CYP8B1: variants seen among roughly 807,000 people sequenced by gnomAD.
CYP8B1 encodes the protein cytochrome P450 family 8 subfamily B member 1.
For synonymous variants in CYP8B1, 221 were observed against 251.2 expected (o/e 0.88, Z 1.14); for missense variants, 594 against 643.7 (o/e 0.92, Z 0.84).
At position 42,874,394 on chromosome 3, in the gene CYP8B1, CAT is replaced by C. The variant is rs2088497588; in HGVS notation, c.1421_1422del (p.His474ArgfsTer2). The C allele has an allele frequency of 6.2e-7, 1 of 1,614,002 alleles. No homozygotes were observed. The highest frequency in any genetic ancestry group is 8.5e-7 in the Non-Finnish European group (1 of 1,180,018). ...CCAAAACCCCAGCGCTGCGGGTCAA[CAT>C]GGGGTAGTGGTGTGTCAGGGTCCAC... ...ELVDPDTPLP[H>X]VDPQRWGFGT... is the part of the protein sequence containing the mutation. On this transcript the variant is annotated frameshift_variant, in exon 1 of 1. Coordinates refer to ENST00000316161, the MANE Select transcript of CYP8B1 (RefSeq NM_004391.3). LOFTEE classifies it high-confidence loss of function.
chr3:42,874,955 C>G lies in CYP8B1; in HGVS notation c.862G>C (p.Gly288Arg), dbSNP rs747957683. The G allele has an allele frequency of 1.3e-5, 21 of 1,613,030 alleles. No individual in the cohort carries two copies. The East Asian group carries it at 4.0e-4, about 31-fold the overall frequency. Residue 288 changes from glycine to arginine, a missense_variant, in exon 1 of 1, where the codon GGG becomes CGG. Coordinates refer to ENST00000316161, the MANE Select transcript of CYP8B1 (RefSeq NM_004391.3). ...MMLWASQGNTGPTSFWALLYL... is the reference protein window; with the variant it reads ...MMLWASQGNTRPTSFWALLYL... ...AAGAGGGCCCAGAAAGAGGTAGGCCCCGTGTTCCCCTGGGAGGCCCAGAGC... is the reference window on the plus strand; with the variant it reads ...AAGAGGGCCCAGAAAGAGGTAGGCCGCGTGTTCCCCTGGGAGGCCCAGAGC...
At position 42,874,060 on chromosome 3, in the gene CYP8B1, C is replaced by A. The variant is rs991052018; in HGVS notation, c.*251G>T. 16 of 515,728 alleles carry A rather than the reference C, an allele frequency of 3.1e-5. No homozygotes were observed. The highest frequency in any genetic ancestry group is 6.5e-5 in the East Asian group (2 of 30,558). 31.9% of individuals were successfully genotyped at this position (515,728 alleles called of 1,614,324 possible). ...AACCAAGTTGCCCACAGATACTCCC[C>A]CTTCCTCTGGACTTCCTGTGAGAGG... On this transcript the variant is annotated 3_prime_UTR_variant, in exon 1 of 1. Coordinates refer to ENST00000316161, the MANE Select transcript of CYP8B1 (RefSeq NM_004391.3).
chr3:42,875,847 A>G lies in CYP8B1; in HGVS notation c.-31T>C. On this transcript the variant is annotated 5_prime_UTR_variant, in exon 1 of 1. Transcript: ENST00000316161. ...TGCTCCTGCGGATTAAGCTCTCGACACGCACACTGTTCCCTGGGTGCCAGA... is the reference window on the plus strand; with the variant it reads ...TGCTCCTGCGGATTAAGCTCTCGACGCGCACACTGTTCCCTGGGTGCCAGA... 1 of 1,334,176 alleles carries G rather than the reference A, an allele frequency of 7.5e-7. No homozygotes were observed. The highest frequency in any genetic ancestry group is 9.7e-7 in the Non-Finnish European group (1 of 1,035,110). 82.6% of individuals were successfully genotyped at this position (1,334,176 alleles called of 1,614,324 possible). A position where few individuals can be genotyped will look rare whatever the true frequency, so the allele number is the denominator to read the frequency against.
rs115361347 is a variant in CYP8B1, at chr3:42,872,841, G to C, written c.*1470C>G. 1 of 152,750 alleles carries C rather than the reference G, an allele frequency of 6.5e-6. No individual in the cohort carries two copies. The highest frequency in any genetic ancestry group is 1.5e-5 in the Non-Finnish European group (1 of 68,516). 9.5% of individuals were successfully genotyped at this position (152,750 alleles called of 1,614,324 possible). On this transcript the variant is annotated 3_prime_UTR_variant, in exon 1 of 1. Coordinates refer to ENST00000316161, the MANE Select transcript of CYP8B1 (RefSeq NM_004391.3). ...GTGTCTCTGGGAGATGGGGTGAATG[G>C]TAGTGTTCTGAGCAGAGAGAGCAGG...
In CYP8B1 at chr3:42,872,217, C is replaced by A. The variant is rs1575397658; in HGVS notation, c.*2094G>T. The A allele has an allele frequency of 6.6e-6, 1 of 152,316 alleles. No homozygotes were observed. Among genetic ancestry groups the A allele is most frequent in the Middle Eastern group, 3.4e-3 (1 of 294 alleles). The allele number at this position is 152,316 out of a possible 1,614,324, so 9.4% of individuals were successfully genotyped here. On this transcript the variant is annotated 3_prime_UTR_variant, in exon 1 of 1. Coordinates refer to ENST00000316161, the MANE Select transcript of CYP8B1 (RefSeq NM_004391.3). ...TCAGGTTTCTAACATTTAATCTCCA[C>A]TTAGGGAATTGGAGGTCAGAAATGA... is the stretch of plus-strand genomic sequence containing the variant.
chr3:42,875,140 C>T lies in CYP8B1; in HGVS notation c.677G>A (p.Trp226Ter). The change falls in exon 1 of 1, where the codon TGG (tryptophan) becomes TAG (stop). Residue 226 changes from tryptophan (W) to a stop codon, truncating the protein, a stop_gained. Transcript: ENST00000316161. LOFTEE classifies it low-confidence loss of function (END_TRUNC). ...FVYSLLWPREWLEVGRLQRLF... is the reference protein window; with the variant it reads ...FVYSLLWPRE The stretch of plus-strand genomic sequence containing the variant: ...ACGCTGGAGTCGGCCCACTTCTAGC[C>T]ACTCCCGGGGCCACAGCAGGGAGTA... The T allele has an allele frequency of 6.2e-7, 1 of 1,613,114 alleles. No homozygotes were observed. The highest frequency in any genetic ancestry group is 8.5e-7 in the Non-Finnish European group (1 of 1,179,562).
At position 42,874,743 on chromosome 3, in the gene CYP8B1, C is replaced by A; in HGVS notation, c.1074G>T (p.Arg358Ser). Reference sequence around the variant, plus strand: ...TCAGGGTATAGTCTTCATGAACCAACCTGAGGAGGGTGGGTGCAGCCCTCA... The same window carrying A: ...TCAGGGTATAGTCTTCATGAACCAAACTGAGGAGGGTGGGTGCAGCCCTCA... ...LRLRAAPTLL[R>S]LVHEDYTLKM... is the part of the protein sequence containing the mutation. Residue 358 changes from arginine (R) to serine (S), a missense_variant, in exon 1 of 1, where the codon AGG becomes AGT. Coordinates refer to ENST00000316161, the MANE Select transcript of CYP8B1 (RefSeq NM_004391.3). 1 of 1,614,102 alleles carries A rather than the reference C, an allele frequency of 6.2e-7. No individual in the cohort carries two copies. The highest frequency in any genetic ancestry group is 8.5e-7 in the Non-Finnish European group (1 of 1,180,008).
chr3:42,874,851 C>A lies in CYP8B1; in HGVS notation c.966G>T (p.Glu322Asp). The change falls in exon 1 of 1, where the codon GAG becomes GAT. Residue 322 changes from glutamate (E) to aspartate (D), a missense_variant. Glu to Asp is a conservative substitution (Grantham distance 45). Transcript: ENST00000316161. ...GTTTGAAGGCAAAGGACTGCTTGGT[C>A]TCCAGCCTGGCCTCACCCAGGACCT... is the stretch of plus-strand genomic sequence containing the variant. Reference protein sequence around the residue: ...ATQVLGEARLETKQSFAFKLG... With the variant: ...ATQVLGEARLDTKQSFAFKLG... 5.0e-6 allele frequency: 8 copies of A among 1,604,382 alleles called. No homozygotes were observed. The highest frequency in any genetic ancestry group is 6.8e-6 in the Non-Finnish European group (8 of 1,174,118).
At position 42,875,158 on chromosome 3, in the gene CYP8B1, A is replaced by G. The variant is rs556843118; in HGVS notation, c.659T>C (p.Leu220Pro). 18 of 1,610,984 alleles carry G rather than the reference A, an allele frequency of 1.1e-5. No homozygotes were observed. In the East Asian group the frequency reaches 3.3e-4, roughly 30 times the overall value. The stretch of plus-strand genomic sequence containing the variant: ...TTCTAGCCACTCCCGGGGCCACAGC[A>G]GGGAGTAGACAAACCTTGGGAAAAG... ...DLLFPRFVYSLLWPREWLEVG... is the reference protein window; with the variant it reads ...DLLFPRFVYSPLWPREWLEVG... The change falls in exon 1 of 1, where the codon CTG becomes CCG. Residue 220 changes from leucine (L) to proline (P), a missense_variant. Coordinates refer to ENST00000316161, the MANE Select transcript of CYP8B1 (RefSeq NM_004391.3).
At position 42,875,520 on chromosome 3, in the gene CYP8B1, A is replaced by C; in HGVS notation, c.297T>G (p.Phe99Leu). ...ILKDTQRKLD[F>L]GQYAKKLVLK... ...GCACCAGTTTTTTTGCATATTGCCCAAAGTCTAGTTTTCTCTGTGTGTCCT... is the reference window on the plus strand; with the variant it reads ...GCACCAGTTTTTTTGCATATTGCCCCAAGTCTAGTTTTCTCTGTGTGTCCT... Residue 99 changes from phenylalanine (F) to leucine (L), a missense_variant, in exon 1 of 1, where the codon TTT (phenylalanine) becomes TTG (leucine). Physicochemically the swap from Phe to Leu is conservative, Grantham distance 22. Coordinates refer to ENST00000316161, the MANE Select transcript of CYP8B1 (RefSeq NM_004391.3). The C allele has an allele frequency of 6.5e-7, 1 of 1,541,594 alleles. No homozygotes were observed. The highest frequency in any genetic ancestry group is 8.8e-7 in the Non-Finnish European group (1 of 1,142,450).
chr3:42,874,758 T>G lies in CYP8B1; in HGVS notation c.1059A>C (p.Ala353=). The change falls in exon 1 of 1, where the codon GCA becomes GCC. Residue 353 remains alanine, a synonymous_variant. Coordinates refer to ENST00000316161, the MANE Select transcript of CYP8B1 (RefSeq NM_004391.3). ...CATGAACCAACCTGAGGAGGGTGGG[T>G]GCAGCCCTCAGCCGCAGCGTCTCCT... ...VVEETLRLRA[A]PTLLRLVHED... is the part of the protein sequence containing the mutation. The G allele has an allele frequency of 6.2e-7, 1 of 1,614,058 alleles. No homozygotes were observed. Among genetic ancestry groups the G allele is most frequent in the Non-Finnish European group, 8.5e-7 (1 of 1,180,008 alleles).
At position 42,875,419 on chromosome 3, in the gene CYP8B1, C is replaced by G. The variant is rs373101301; in HGVS notation, c.398G>C (p.Gly133Ala). ...IHSASTKHLR[G>A]DGLKDLNETM... ...CTCATTAAGATCCTTCAAGCCATCCCCCCTCAGATGCTTGGTGCTGGCTGA... is the reference window on the plus strand; with the variant it reads ...CTCATTAAGATCCTTCAAGCCATCCGCCCTCAGATGCTTGGTGCTGGCTGA... Residue 133 changes from glycine to alanine, a missense_variant, in exon 1 of 1, where the codon GGG (glycine) becomes GCG (alanine). Physicochemically the swap from Gly to Ala is moderately conservative, Grantham distance 60. Transcript: ENST00000316161. 5.0e-6 allele frequency: 8 copies of G among 1,613,528 alleles called. No individual in the cohort carries two copies. The highest frequency in any genetic ancestry group is 6.8e-6 in the Non-Finnish European group (8 of 1,179,568).
chr3:42,875,830 C>T lies in CYP8B1; in HGVS notation c.-14G>A, dbSNP rs375516036. ...CCAGAGAACCATGGCTATGCTCCTG[C>T]GGATTAAGCTCTCGACACGCACACT... On this transcript the variant is annotated 5_prime_UTR_variant, in exon 1 of 1. Transcript: ENST00000316161. The T allele has an allele frequency of 3.0e-4, 409 of 1,347,856 alleles. No individual in the cohort carries two copies. The African/African-American group carries it at 5.5e-3, about 18-fold the overall frequency. 83.5% of individuals were successfully genotyped at this position (1,347,856 alleles called of 1,614,324 possible). A position where few individuals can be genotyped will look rare whatever the true frequency, so the allele number is the denominator to read the frequency against.
rs1176077810 is a variant in CYP8B1, at chr3:42,874,913, G to A, written c.904C>T (p.Pro302Ser). Residue 302 changes from proline to serine, a missense_variant, in exon 1 of 1, where the codon CCA (proline) becomes TCA (serine). Pro to Ser is a moderately conservative substitution (Grantham distance 74). Coordinates refer to ENST00000316161, the MANE Select transcript of CYP8B1 (RefSeq NM_004391.3). Reference sequence around the variant, plus strand: ...TCCCTCACAGCCCGAATAGCTTCTGGGTGCTTCAGGAGGTACAAGAGGGCC... The same window carrying A: ...TCCCTCACAGCCCGAATAGCTTCTGAGTGCTTCAGGAGGTACAAGAGGGCC... ...FWALLYLLKHPEAIRAVREEA... is the reference protein window; with the variant it reads ...FWALLYLLKHSEAIRAVREEA... 9.4e-6 allele frequency: 15 copies of A among 1,603,594 alleles called. No homozygotes were observed. The highest frequency in any genetic ancestry group is 1.3e-5 in the Non-Finnish European group (15 of 1,173,700).
chr3:42,874,350 G>A lies in CYP8B1; in HGVS notation c.1467C>T (p.His489=), dbSNP rs201949466. Residue 489 remains histidine (H), a synonymous_variant, in exon 1 of 1, where the codon CAC becomes CAT. Transcript: ENST00000316161. ...RWGFGTMQPS[H]DVRFRYRLHP... ...GCAGGCGGTAGCGGAAGCGCACATC[G>A]TGGCTGGGCTGCATGGTGCCAAAAC... is the stretch of plus-strand genomic sequence containing the variant. 1.1e-4 allele frequency: 173 copies of A among 1,614,114 alleles called. 1 individual carries two copies. The East Asian group carries it at 3.7e-3, about 35-fold the overall frequency.
At position 42,873,334 on chromosome 3, in the gene CYP8B1, G is replaced by A. The variant is rs954889673; in HGVS notation, c.*977C>T. 2 of 146,746 alleles carry A rather than the reference G, an allele frequency of 1.4e-5. No homozygotes were observed. Among genetic ancestry groups the A allele is most frequent in the Non-Finnish European group, 3.0e-5 (2 of 67,090 alleles). 9.1% of individuals were successfully genotyped at this position (146,746 alleles called of 1,614,324 possible). ...ACTGCACTGCAGCCTGGGCAACAGA[G>A]TGAGACTCTGTCTCAAAAAAAAAAA... is the stretch of plus-strand genomic sequence containing the variant. On this transcript the variant is annotated 3_prime_UTR_variant, in exon 1 of 1. Coordinates refer to ENST00000316161, the MANE Select transcript of CYP8B1 (RefSeq NM_004391.3).
At position 42,874,937 on chromosome 3, in the gene CYP8B1, C is replaced by T. The variant is rs897675184; in HGVS notation, c.880G>A (p.Ala294Thr). The change falls in exon 1 of 1, where the codon GCC (alanine) becomes ACC (threonine). Residue 294 changes from alanine (A) to threonine (T), a missense_variant. By Grantham distance (58) the Ala-to-Thr change is moderately conservative. Transcript: ENST00000316161. ...GGGTGCTTCAGGAGGTACAAGAGGG[C>T]CCAGAAAGAGGTAGGCCCCGTGTTC... ...QGNTGPTSFW[A>T]LLYLLKHPEA... 7 of 1,610,378 alleles carry T rather than the reference C, an allele frequency of 4.3e-6. No individual in the cohort carries two copies. The Admixed American group carries it at 1.2e-4, about 27-fold the overall frequency.
chr3:42,875,865 G>A lies in CYP8B1; in HGVS notation c.-49C>T. 1.5e-6 allele frequency: 2 copies of A among 1,316,474 alleles called. No individual in the cohort carries two copies. Among genetic ancestry groups the A allele is most frequent in the Non-Finnish European group, 2.0e-6 (2 of 1,022,832 alleles). The allele number at this position is 1,316,474 out of a possible 1,614,324, so 81.5% of individuals were successfully genotyped here. A position where few individuals can be genotyped will look rare whatever the true frequency, so the allele number is the denominator to read the frequency against. On this transcript the variant is annotated 5_prime_UTR_variant, in exon 1 of 1. Transcript: ENST00000316161. ...TCTCGACACGCACACTGTTCCCTGG[G>A]TGCCAGAGAGCTTTGGGAGGCCTTG...
rs772337032 is a variant in CYP8B1 at position 42,874,452 on chromosome 3, C to A, written c.1365G>T (p.Leu455=). The part of the protein sequence containing the change: ...FALSEVKLFI[L]LMVTHFDLEL... ...CTAAGTCAAAGTGTGTGACCATAAG[C>A]AGGATAAAGAGCTTCACCTCACTGA... is the stretch of plus-strand genomic sequence containing the variant. Residue 455 remains leucine, a synonymous_variant, in exon 1 of 1, where the codon CTG becomes CTT. Coordinates refer to ENST00000316161, the MANE Select transcript of CYP8B1 (RefSeq NM_004391.3). The A allele has an allele frequency of 1.2e-6, 2 of 1,614,062 alleles. No homozygotes were observed. The highest frequency in any genetic ancestry group is 1.7e-6 in the Non-Finnish European group (2 of 1,180,010).
Sources: gnomAD v4.1 joint callset for allele counts on GRCh38, gnomAD v4.1.1 for gene constraint, MANE v1.5 for transcripts, NCBI Gene and HGNC (gene_info 2026-07-23, HGNC 2026-07-21) for gene names.